The following GTF2F2 variants were observed in gnomAD, a reference collection of about 807,000 sequenced individuals.
GTF2F2 encodes the protein ATP-dependent helicase GTF2F2.
Under a neutral mutation model 42.2 loss-of-function variants are expected in GTF2F2, and 23 were observed. The observed-to-expected ratio is 0.55, with a 90% confidence interval of 0.39 to 0.77. The LOEUF is 0.77. Ranked by LOEUF, GTF2F2 falls within the 30% of genes least tolerant of loss-of-function variation. The pLI is 0.00. For synonymous variants in GTF2F2, 105 were observed against 100.8 expected (o/e 1.04, Z -0.25); for missense variants, 261 against 287.2 (o/e 0.91, Z 0.66).
chr13:45,225,466 G>A (rs1874297703), intron 5 of GTF2F2, among the ~76,000 whole-genome samples: 2 of 151,836 alleles, frequency 1.3e-5, no homozygotes, highest in Non-Finnish European at 2.9e-5. Context: ...ACGTTGGCCT[G>A]TTGGCCGGGC....
Position 45,233,640 on chromosome 13 carries a change from A to G in GTF2F2, c.387-19231A>G, listed in dbSNP as rs116798065. ...ATTATAAAACAATTGCTAGCTGGAT[A>G]TGGTGGCCCACACCTATAATCCCAG... On this transcript the variant is annotated intron_variant, in intron 5 of 7. Coordinates refer to ENST00000340473, the MANE Select transcript of GTF2F2 (RefSeq NM_004128.3). Among the ~76,000 whole-genome samples, 415 of 152,310 alleles carry G rather than the reference A, an allele frequency of 2.7e-3. 1 individual carries two copies. The highest frequency in any genetic ancestry group is 9.3e-3 in the African/African-American group (386 of 41,562).
intron 1 of GTF2F2, among the ~76,000 whole-genome samples, chr13:45,127,965 T>C (rs1296425276): frequency 6.5e-4 from 73 of 112,546 alleles, no homozygotes; most frequent in Non-Finnish European, 1.2e-3. Flanking sequence ...TTTTTTTTTT[T>C]TTTTCTTTTT....
intron 4 of GTF2F2, 80 bp downstream of exon 4, chr13:45,151,911 CTTTTTTTTT>C (rs773005628): frequency 4.2e-5 from 6 of 141,642 alleles, no homozygotes; most frequent in Middle Eastern, 3.3e-3. Context: ...CTCCTATTTG[CTTTTTTTTT>C]TTTTTTTTTT....
intron 4 of GTF2F2, among the ~76,000 whole-genome samples, chr13:45,169,150 C>T (rs984807550): frequency 6.6e-6 from 1 of 151,842 alleles, no homozygotes; most frequent in Non-Finnish European, 1.5e-5. Flanking sequence ...CCACTGTGCC[C>T]GCCCCTGCTC....
At chr13:45,282,696 G>A (rs1229870378) in intron 7 of GTF2F2, among the ~76,000 whole-genome samples, 4 of 152,070 alleles carry the variant, frequency 2.6e-5, no homozygotes, top group Non-Finnish European at 5.9e-5. Flanking sequence ...GTAGAGACGG[G>A]GTTTCACCAT....
At chr13:45,217,830 C>T (rs980857519) in intron 5 of GTF2F2, among the ~76,000 whole-genome samples, 1 of 152,136 alleles carries the variant, frequency 6.6e-6, no homozygotes, top group Non-Finnish European at 1.5e-5. Context: ...CTTTATTATC[C>T]AGGCATCTCC....
chr13:45,157,812 C>T (rs1298119216), intron 4 of GTF2F2, among the ~76,000 whole-genome samples: 3 of 151,944 alleles, frequency 2.0e-5, no homozygotes, highest in Admixed American at 6.6e-5. Flanking sequence ...CGAACTCCTG[C>T]GTGCAAAGCT....
chr13:45,138,187 G>A (rs532448659), intron 2 of GTF2F2, among the ~76,000 whole-genome samples: 5 of 152,022 alleles, frequency 3.3e-5, no homozygotes, highest in Admixed American at 6.6e-5. Flanking sequence ...GTCTCTAAAT[G>A]TTATGTGACC....
intron 5 of GTF2F2, among the ~76,000 whole-genome samples, chr13:45,210,422 T>C (rs1873585906): frequency 2.0e-5 from 3 of 152,054 alleles, no homozygotes. Flanking sequence ...CTTTCATGTC[T>C]CTTCTCAAAA....
intron 7 of GTF2F2, among the ~76,000 whole-genome samples, chr13:45,273,183 C>T (rs1257797170): frequency 6.6e-6 from 1 of 151,958 alleles, no homozygotes; most frequent in Non-Finnish European, 1.5e-5. Flanking sequence ...GCCTCTGCCT[C>T]CCAAAGTGCT....
chr13:45,270,606 T>TA (rs1266443113), intron 7 of GTF2F2, among the ~76,000 whole-genome samples: 1 of 152,184 alleles, frequency 6.6e-6, no homozygotes, highest in Non-Finnish European at 1.5e-5. Flanking sequence ...GCCCAATTCT[T>TA]ACTACTGCCA....
intron 4 of GTF2F2, among the ~76,000 whole-genome samples, chr13:45,196,501 C>T (rs1872898183): frequency 6.6e-6 from 1 of 152,168 alleles, no homozygotes; most frequent in Non-Finnish European, 1.5e-5. Context: ...TCTGGAAGTA[C>T]ATTCATGGAA....
At chr13:45,222,002 C>T (rs1874140397) in intron 5 of GTF2F2, among the ~76,000 whole-genome samples, 1 of 152,094 alleles carries the variant, frequency 6.6e-6, no homozygotes, top group Non-Finnish European at 1.5e-5. Context: ...TCAGATGGGC[C>T]TTTCTCGACC....
intron 4 of GTF2F2, among the ~76,000 whole-genome samples, chr13:45,167,792 T>G (rs1202624159): frequency 2.0e-5 from 3 of 152,054 alleles, no homozygotes; most frequent in African/African-American, 4.8e-5. Context: ...TCCTCCCACC[T>G]CAGGCCTCCC....
chr13:45,174,598 G>T (rs1871770043), intron 4 of GTF2F2, among the ~76,000 whole-genome samples: 1 of 137,636 alleles, frequency 7.3e-6, no homozygotes. Context: ...CCATTTTTTT[G>T]GTATGAGTTT....
Position 45,212,722 on chromosome 13 carries a change from C to T in GTF2F2, c.386+5217C>T, listed in dbSNP as rs867577227. ...CTGGGACTACAGGCATCCTCCAGCA[C>T]GGCTGGCTAATTTTTGTAGTTTCTT... On this transcript the variant is annotated intron_variant, in intron 5 of 7. Transcript: ENST00000340473. Among the ~76,000 whole-genome samples, 16 of 151,834 alleles carry T rather than the reference C, an allele frequency of 1.1e-4. No individual in the cohort carries two copies. The Middle Eastern group carries it at 0.01, about 97-fold the overall frequency.
At chr13:45,130,473 A>C (rs1869287812) in intron 1 of GTF2F2, among the ~76,000 whole-genome samples, 1 of 152,234 alleles carries the variant, frequency 6.6e-6, no homozygotes, top group South Asian at 2.1e-4. Context: ...TGGCTGCTTT[A>C]TTGAGAATAA....
intron 5 of GTF2F2, among the ~76,000 whole-genome samples, chr13:45,224,602 ACTTGG>A (rs1162738482): frequency 3.3e-5 from 5 of 152,318 alleles, no homozygotes; most frequent in African/African-American, 1.2e-4. Flanking sequence ...CCTTTGGGTC[ACTTGG>A]TCTTTGTTGT....
At chr13:45,245,762 C>G (rs1875566807) in intron 5 of GTF2F2, among the ~76,000 whole-genome samples, 1 of 145,740 alleles carries the variant, frequency 6.9e-6, no homozygotes, top group African/African-American at 2.5e-5. Flanking sequence ...TGTATCCACT[C>G]TTTTTTGTAT....
Sources: gnomAD v4.1 joint callset for allele counts (sites outside exome capture counted in the v4.1 genomes callset) on GRCh38, gnomAD v4.1.1 for gene constraint, MANE v1.5 for transcripts, NCBI Gene and HGNC (gene_info 2026-07-23, HGNC 2026-07-21) for gene names.